Variants in TRPC5OS observed in about 807,000 individuals in gnomAD.
TRPC5OS encodes the protein TRPC5 opposite strand, also known as putative uncharacterized protein TRPC5OS.
For synonymous variants in TRPC5OS, 30 were observed against 29.3 expected (o/e 1.02, Z -0.08); for missense variants, 64 against 79.3 (o/e 0.81, Z 0.73).
At chrX:111,877,752 C>T (rs1924021868) in intron 1 of TRPC5OS, among the ~76,000 whole-genome samples, 1 of 110,818 alleles carries the variant, frequency 9.0e-6, no homozygotes, top group Non-Finnish European at 1.9e-5. Context: ...TAAGAGGAAA[C>T]GGTGAGAGAG....
Position 111,896,109 on chromosome X carries a change from A to G in TRPC5OS, c.-400+13A>G, listed in dbSNP as rs1397576047. 9.0e-6 allele frequency: 1 copy of G among 111,157 alleles called. No individual in the cohort carries two copies. Among genetic ancestry groups the G allele is most frequent in the African/African-American group, 3.3e-5 (1 of 30,482 alleles). The allele number at this position is 111,157 out of a possible 1,213,427, so 9.2% of individuals were successfully genotyped here. A position where few individuals can be genotyped will look rare whatever the true frequency, so the allele number is the denominator to read the frequency against. On this transcript the variant is annotated intron_variant, in intron 2 of 3. Transcript: ENST00000635763. ...CAGGTGACTTCAGGTAAGAAAAACT[A>G]GCCCTGCATTTTGGGCTTCTCAAGT...
intron 1 of TRPC5OS, among the ~76,000 whole-genome samples, chrX:111,888,962 G>A (rs1924673340): frequency 8.9e-6 from 1 of 111,806 alleles, no homozygotes; most frequent in South Asian, 3.7e-4. Flanking sequence ...ATGGGAGGCT[G>A]TAAGGGAGTA....
chrX:111,880,258 G>A (rs1191377929), intron 1 of TRPC5OS, among the ~76,000 whole-genome samples: 1 of 111,721 alleles, frequency 9.0e-6, no homozygotes, highest in Non-Finnish European at 1.9e-5. Context: ...AACTCCATTA[G>A]GTTAAGGGTT....
In TRPC5OS at chrX:111,903,431, G is replaced by A. The variant is rs977766722; in HGVS notation, c.*1246G>A. On this transcript the variant is annotated 3_prime_UTR_variant, in exon 4 of 4. Coordinates refer to ENST00000635763, the MANE Select transcript of TRPC5OS (RefSeq NM_001195578.2). ...TGATATGGAGTTAGTTTCTAAACAGGTTTATGAACAAAGCCCTGTTTTTGT... is the reference window on the plus strand; with the variant it reads ...TGATATGGAGTTAGTTTCTAAACAGATTTATGAACAAAGCCCTGTTTTTGT... 1.4e-4 allele frequency: 16 copies of A among 112,285 alleles called. No homozygotes were observed. Among genetic ancestry groups the A allele is most frequent in the African/African-American group, 4.5e-4 (14 of 30,972 alleles). 9.3% of individuals were successfully genotyped at this position (112,285 alleles called of 1,213,427 possible).
At chrX:111,888,693 CAAAAAAA>C (rs753735549) in intron 1 of TRPC5OS, among the ~76,000 whole-genome samples, 9 of 10,977 alleles carry the variant, frequency 8.2e-4, no homozygotes, top group Admixed American at 6.0e-3. Flanking sequence ...GACTCTATCT[CAAAAAAA>C]AAAAAAAAAA....
At chrX:111,900,097 A>G (rs192397155) in intron 3 of TRPC5OS, among the ~76,000 whole-genome samples, 1 of 111,878 alleles carries the variant, frequency 8.9e-6, no homozygotes, top group Non-Finnish European at 1.9e-5. Flanking sequence ...AAGACCAGCA[A>G]GCTGTATGTG....
At chrX:111,885,859 T>C (rs1243627034) in intron 1 of TRPC5OS, among the ~76,000 whole-genome samples, 1 of 112,115 alleles carries the variant, frequency 8.9e-6, no homozygotes, top group Non-Finnish European at 1.9e-5. Context: ...TACTTGCTTA[T>C]TGTCATCATC....
In TRPC5OS at chrX:111,898,668, G is replaced by A. The variant is rs973387317; in HGVS notation, c.-311+2173G>A. ...ATGACAATTACATTTTAGTCTATAT[G>A]TATGTGGGGGTAAGGTGAGAGACAG... On this transcript the variant is annotated intron_variant, in intron 3 of 3. Coordinates refer to ENST00000635763, the MANE Select transcript of TRPC5OS (RefSeq NM_001195578.2). 3.6e-5 allele frequency among the ~76,000 whole-genome samples: 4 copies of A among 110,580 alleles called. No individual in the cohort carries two copies. The Admixed American group carries it at 3.9e-4, about 11-fold the overall frequency.
intron 1 of TRPC5OS, chrX:111,881,867 A>G (rs1329630865): frequency 1.8e-5 from 2 of 110,939 alleles, no homozygotes; most frequent in East Asian, 5.7e-4. Flanking sequence ...GCCGAGATAG[A>G]AATATACTTC....
chrX:111,898,878 A>C (rs1362247549), intron 3 of TRPC5OS, among the ~76,000 whole-genome samples: 1 of 109,931 alleles, frequency 9.1e-6, no homozygotes, highest in Non-Finnish European at 1.9e-5. Flanking sequence ...CTCCTCCCCC[A>C]CCAAGGAGAA....
rs774677942 is a variant in TRPC5OS at position 111,903,387 on chromosome X, G to A, written c.*1202G>A. On this transcript the variant is annotated 3_prime_UTR_variant, in exon 4 of 4. Transcript: ENST00000635763. ...AATAAATTGTCAACAGTTATGCGAC[G>A]GTTTATGATGGAAAGCCATGATATG... 2.7e-5 allele frequency: 3 copies of A among 112,109 alleles called. No homozygotes were observed. Among genetic ancestry groups the A allele is most frequent in the African/African-American group, 9.7e-5 (3 of 30,952 alleles). The allele number at this position is 112,109 out of a possible 1,213,427, so 9.2% of individuals were successfully genotyped here. A position where few individuals can be genotyped will look rare whatever the true frequency, so the allele number is the denominator to read the frequency against.
chrX:111,903,013 T>C lies in TRPC5OS; in HGVS notation c.*828T>C, dbSNP rs1324918598. 2 of 112,164 alleles carry C rather than the reference T, an allele frequency of 1.8e-5. No homozygotes were observed. Among genetic ancestry groups the C allele is most frequent in the East Asian group, 5.6e-4 (2 of 3,561 alleles). The allele number at this position is 112,164 out of a possible 1,213,427, so 9.2% of individuals were successfully genotyped here. On this transcript the variant is annotated 3_prime_UTR_variant, in exon 4 of 4. Coordinates refer to ENST00000635763, the MANE Select transcript of TRPC5OS (RefSeq NM_001195578.2). ...CTCACCATATTGGACTAAATATCTA[T>C]GGACTAGATATAGTCCTTAGGCATC... is the stretch of plus-strand genomic sequence containing the variant.
chrX:111,893,471 T>A (rs1057021410), intron 1 of TRPC5OS, among the ~76,000 whole-genome samples: 2 of 111,736 alleles, frequency 1.8e-5, no homozygotes, highest in African/African-American at 3.3e-5. Flanking sequence ...ACTGTATCTG[T>A]CTAGGAAAAT....
chrX:111,893,785 T>G, intron 1 of TRPC5OS, among the ~76,000 whole-genome samples: 1 of 112,291 alleles, frequency 8.9e-6, no homozygotes, highest in Non-Finnish European at 1.9e-5. Flanking sequence ...TCAGATCCTA[T>G]AACAGGCAAA....
At position 111,902,041 on chromosome X, in the gene TRPC5OS, C is replaced by G; in HGVS notation, c.192C>G (p.Leu64=). 2.6e-6 allele frequency: 3 copies of G among 1,155,564 alleles called. No individual in the cohort carries two copies. Among genetic ancestry groups the G allele is most frequent in the Non-Finnish European group, 3.4e-6 (3 of 872,677 alleles). The part of the protein sequence containing the change: ...PLPEEPSLPD[L]PDLSDLDSIL... ...CCGAGGAGCCTTCGCTACCTGATCT[C>G]CCTGATCTCTCAGACTTAGACTCAA... The change falls in exon 4 of 4, where the codon CTC becomes CTG. Residue 64 remains leucine, a synonymous_variant. Coordinates refer to ENST00000635763, the MANE Select transcript of TRPC5OS (RefSeq NM_001195578.2).
chrX:111,896,721 G>A (rs1925082851), intron 3 of TRPC5OS, among the ~76,000 whole-genome samples: 1 of 111,710 alleles, frequency 9.0e-6, no homozygotes, highest in Non-Finnish European at 1.9e-5. Context: ...CTCTGGCCCT[G>A]AATAAGGCAA....
chrX:111,880,087 CTT>C (rs1261333523), intron 1 of TRPC5OS, among the ~76,000 whole-genome samples: 1 of 103,243 alleles, frequency 9.7e-6, no homozygotes, highest in Non-Finnish European at 2.0e-5. Context: ...TTTGTTGCTG[CTT>C]TTTTTTTTTT....
rs1444609171 is a variant in TRPC5OS at position 111,902,079 on chromosome X, G to A, written c.230G>A (p.Arg77Lys). ...LSDLDSILTP[R>K]EDEDLIFDID... is the part of the protein sequence containing the mutation. Reference sequence around the variant, plus strand: ...GACTTAGACTCAATACTTACACCAAGAGAGGATGAAGACCTAATATTTGAT... The same window carrying A: ...GACTTAGACTCAATACTTACACCAAAAGAGGATGAAGACCTAATATTTGAT... Residue 77 changes from arginine (R) to lysine (K), a missense_variant, in exon 4 of 4, where the codon AGA (arginine) becomes AAA (lysine). Coordinates refer to ENST00000635763, the MANE Select transcript of TRPC5OS (RefSeq NM_001195578.2). 1 of 1,154,781 alleles carries A rather than the reference G, an allele frequency of 8.7e-7. No homozygotes were observed. Among genetic ancestry groups the A allele is most frequent in the Admixed American group, 2.6e-5 (1 of 38,668 alleles).
Position 111,894,162 on chromosome X carries a change from C to T in TRPC5OS, c.-545-1789C>T, listed in dbSNP as rs183881185. 3.4e-3 allele frequency among the ~76,000 whole-genome samples: 382 copies of T among 111,420 alleles called. 2 individuals carry two copies. Among genetic ancestry groups the T allele is most frequent in the African/African-American group, 0.012 (373 of 30,755 alleles). On this transcript the variant is annotated intron_variant, in intron 1 of 3. Coordinates refer to ENST00000635763, the MANE Select transcript of TRPC5OS (RefSeq NM_001195578.2). ...CATTTTAATCTTTCCCACATAACTG[C>T]CTCTGTTCTCCTTGGATATGAACTA... is the stretch of plus-strand genomic sequence containing the variant.
Sources: gnomAD v4.1 joint callset for allele counts (sites outside exome capture counted in the v4.1 genomes callset) on GRCh38, gnomAD v4.1.1 for gene constraint, MANE v1.5 for transcripts, NCBI Gene and HGNC (gene_info 2026-07-23, HGNC 2026-07-21) for gene names.